PAK1: variants seen among roughly 807,000 people sequenced by gnomAD.
PAK1 encodes p21 (RAC1) activated kinase 1, also known as serine/threonine-protein kinase PAK 1.
In PAK1, 29 loss-of-function variants were observed where a neutral mutation model predicts 67.4. That is an observed-to-expected ratio of 0.43 (90% CI 0.32 to 0.59). PAK1 has a LOEUF of 0.59. PAK1 is among the 20% of genes least tolerant of loss of function. PAK1 has a pLI of 0.07. For synonymous variants in PAK1, 223 were observed against 237.4 expected, an observed-to-expected ratio of 0.94 and a Z score of 0.56; for missense variants, 337 against 670.7, an observed-to-expected ratio of 0.50 and a Z score of 5.50.
chr11:77,390,266 C>T (rs1950960365), intron 2 of PAK1, among the ~76,000 whole-genome samples: 1 of 152,160 alleles, frequency 6.6e-6, no homozygotes, highest in Admixed American at 6.5e-5. Flanking sequence ...ATGGCGCAAC[C>T]TTGGCTCACT....
chr11:77,490,937 T>C, the PAK1 span, among the ~76,000 whole-genome samples: 16 of 152,138 alleles, frequency 1.1e-4, no homozygotes, highest in Admixed American at 1.0e-3. Context: ...GCAGCGTGCT[T>C]GTTGAGAGTC....
chr11:77,404,239 T>C (rs1349082985), intron 1 of PAK1, among the ~76,000 whole-genome samples: 4 of 152,108 alleles, frequency 2.6e-5, no homozygotes, highest in Non-Finnish European at 5.9e-5. Flanking sequence ...CCACTAGCCC[T>C]TTCCTTTAGC....
the PAK1 span, among the ~76,000 whole-genome samples, chr11:77,483,556 T>C: frequency 0.29 from 44,113 of 152,144 alleles, 6,765 homozygotes; most frequent in South Asian, 0.47. Context: ...AGAGCAGTGA[T>C]TGACTACAAA....
intron 1 of PAK1, among the ~76,000 whole-genome samples, chr11:77,433,567 C>T (rs990072386): frequency 1.3e-5 from 2 of 152,248 alleles, no homozygotes; most frequent in Middle Eastern, 3.4e-3. Flanking sequence ...ATCATGAGGT[C>T]AGGAGATCAA....
rs1279823956 is a variant in PAK1 at position 77,323,295 on chromosome 11, C to A, written c.1617G>T (p.Glu539Asp). 4 of 1,614,000 alleles carry A rather than the reference C, an allele frequency of 2.5e-6. No homozygotes were observed. In the South Asian group the frequency reaches 3.3e-5, roughly 13 times the overall value. Residue 539 changes from glutamate to aspartate, a missense_variant, in exon 15 of 15, where the codon GAG (glutamate) becomes GAT (aspartate). Around this residue, in one of 8 missense-constraint regions of PAK1, gnomAD observed 71 missense variants for 160.5 expected, o/e 0.44. Transcript: ENST00000356341. ...GGTTTTAGTGATTGTTCTTTGTTGCCTCCTTAGCTGCAGCAATCAGTGGAG... is the reference window on the plus strand; with the variant it reads ...GGTTTTAGTGATTGTTCTTTGTTGCATCCTTAGCTGCAGCAATCAGTGGAG... ...SLTPLIAAAK[E>D]ATKNNH
At chr11:77,353,950 G>A (rs920072378) in intron 7 of PAK1, among the ~76,000 whole-genome samples, 4 of 152,072 alleles carry the variant, frequency 2.6e-5, no homozygotes, top group Non-Finnish European at 5.9e-5. Flanking sequence ...TCTCAAGAAG[G>A]TCAATTTCAT....
the PAK1 span, among the ~76,000 whole-genome samples, chr11:77,506,767 A>G: frequency 3.9e-5 from 6 of 152,334 alleles, no homozygotes; most frequent in East Asian, 7.7e-4. Context: ...ATGATTTATT[A>G]AAGTGGGGCC....
chr11:77,522,525 C>T, the PAK1 span, among the ~76,000 whole-genome samples: 2 of 152,226 alleles, frequency 1.3e-5, no homozygotes, highest in Middle Eastern at 3.4e-3. Flanking sequence ...AATGAGATAC[C>T]ATCTCACACC....
chr11:77,501,196 T>C, the PAK1 span, among the ~76,000 whole-genome samples: 3 of 147,010 alleles, frequency 2.0e-5, no homozygotes, highest in Non-Finnish European at 3.0e-5. Context: ...CCCACTCCCA[T>C]AGAGCAGTTT....
intron 1 of PAK1, among the ~76,000 whole-genome samples, chr11:77,401,467 T>C (rs1952675631): frequency 6.6e-6 from 1 of 152,216 alleles, no homozygotes; most frequent in African/African-American, 2.4e-5. Context: ...ACCTACTTTA[T>C]AAAGTTATCA....
intron 4 of PAK1, among the ~76,000 whole-genome samples, chr11:77,378,027 T>G (rs542173557): frequency 4.2e-4 from 64 of 152,230 alleles, no homozygotes; most frequent in Non-Finnish European, 8.2e-4. Context: ...CTCCACCATC[T>G]GTGCCCTTGA....
At chr11:77,390,110 T>C (rs1040985096) in intron 2 of PAK1, among the ~76,000 whole-genome samples, 3 of 152,244 alleles carry the variant, frequency 2.0e-5, no homozygotes, top group Non-Finnish European at 4.4e-5. Context: ...TCTCAGATCA[T>C]AGCCCTTGTA....
At chr11:77,377,533 T>C (rs538670) in intron 4 of PAK1, among the ~76,000 whole-genome samples, 106,776 of 152,136 alleles carry the variant, frequency 0.7, 38,329 homozygotes, top group African/African-American at 0.85. Flanking sequence ...TGTGCATGCA[T>C]GAATGAACAT....
chr11:77,386,061 G>C lies in PAK1; in HGVS notation c.191-6067C>G, dbSNP rs1345560360. On this transcript the variant is annotated intron_variant, in intron 2 of 14. Coordinates refer to ENST00000356341, the MANE Select transcript of PAK1 (RefSeq NM_002576.5). ...GAGATCTTGGGATTGAGAAAATAAA[G>C]CGGGAAAAGAAGCTTCCAACCTCAC... is the stretch of plus-strand genomic sequence containing the variant. Among the ~76,000 whole-genome samples, 3 of 152,172 alleles carry C rather than the reference G, an allele frequency of 2.0e-5. No individual in the cohort carries two copies. In the East Asian group the frequency reaches 5.8e-4, roughly 29 times the overall value.
At chr11:77,428,680 T>A (rs1955690786) in intron 1 of PAK1, among the ~76,000 whole-genome samples, 1 of 151,460 alleles carries the variant, frequency 6.6e-6, no homozygotes, top group Non-Finnish European at 1.5e-5. Context: ...ACAAGTAGTC[T>A]AGTGAGGAGA....
At chr11:77,528,609 T>A in the PAK1 span, among the ~76,000 whole-genome samples, 1 of 152,160 alleles carries the variant, frequency 6.6e-6, no homozygotes. Context: ...CCTCCCAAAG[T>A]GCTAGGATTA....
At position 77,428,055 on chromosome 11, in the gene PAK1, C is replaced by T. The variant is rs978860124; in HGVS notation, c.-21-35514G>A. On this transcript the variant is annotated intron_variant, in intron 1 of 14. Coordinates refer to ENST00000356341, the MANE Select transcript of PAK1 (RefSeq NM_002576.5). ...CCAAGGAACTAATAAGAAATGAGGA[C>T]GAAAGGTACCTTTGGGTCAGATACT... is the stretch of plus-strand genomic sequence containing the variant. 3.9e-5 allele frequency among the ~76,000 whole-genome samples: 6 copies of T among 152,270 alleles called. No homozygotes were observed. In the East Asian group the frequency reaches 9.6e-4, roughly 24 times the overall value.
At chr11:77,452,272 G>A (rs1224916483) in intron 1 of PAK1, among the ~76,000 whole-genome samples, 1 of 152,142 alleles carries the variant, frequency 6.6e-6, no homozygotes, top group Non-Finnish European at 1.5e-5. Flanking sequence ...ATTACTTTCT[G>A]AGAAACAGGT....
At chr11:77,430,500 C>CT (rs1328073526) in intron 1 of PAK1, among the ~76,000 whole-genome samples, 1 of 152,204 alleles carries the variant, frequency 6.6e-6, no homozygotes, top group African/African-American at 2.4e-5. Context: ...TGGGGACAAG[C>CT]TGTAGCTGTC....
Sources: gnomAD v4.1 joint callset for allele counts (sites outside exome capture counted in the v4.1 genomes callset) on GRCh38, gnomAD v4.1.1 for gene constraint, gnomAD v4.1.1 regional missense constraint, MANE v1.5 for transcripts, NCBI Gene and HGNC (gene_info 2026-07-23, HGNC 2026-07-21) for gene names.